SLIT3: variants seen among roughly 807,000 people sequenced by gnomAD.
The protein encoded by SLIT3 is slit homolog 3 protein.
SLIT3 carries 68 observed loss-of-function variants against 184.0 expected under a neutral mutation model. The ratio of observed to expected loss-of-function variants is 0.37; its 90% CI spans 0.30 to 0.45. The LOEUF is 0.45. Ranked by LOEUF, SLIT3 falls within the 20% of genes least tolerant of loss-of-function variation. The probability of loss-of-function intolerance (pLI) is 1.00; values close to 1 mark genes in which losing one functional copy is unlikely to be tolerated. For synonymous variants in SLIT3, 831 were observed against 828.6 expected (o/e 1.00, Z -0.05); for missense variants, 1,707 against 2,026.0 (o/e 0.84, Z 3.02).
chr5:168,686,834 G>A, intron 30 of SLIT3, 145 bp downstream of exon 30: 1 of 850,524 alleles, frequency 1.2e-6, no homozygotes, highest in South Asian at 1.6e-5. Flanking sequence ...GACTGCAAAG[G>A]TATCAGGGGA....
intron 5 of SLIT3, among the ~76,000 whole-genome samples, chr5:168,850,620 G>C (rs1758634161): frequency 1.3e-5 from 2 of 152,228 alleles, no homozygotes; most frequent in South Asian, 4.1e-4. Context: ...AAAGTCCTAG[G>C]TTAATTAAGC....
At chr5:169,285,933 G>A (rs137928009) in intron 1 of SLIT3, among the ~76,000 whole-genome samples, 12 of 152,320 alleles carry the variant, frequency 7.9e-5, no homozygotes, top group South Asian at 2.1e-4. Context: ...GCACTACGAC[G>A]TAGAGAATCA....
intron 4 of SLIT3, among the ~76,000 whole-genome samples, chr5:169,157,030 A>T (rs1176856318): frequency 6.6e-6 from 1 of 151,914 alleles, no homozygotes; most frequent in Non-Finnish European, 1.5e-5. Context: ...CACACAAAAA[A>T]ATCTGGCCCC....
chr5:169,018,667 C>G (rs137881732), intron 4 of SLIT3: 1 of 152,174 alleles, frequency 6.6e-6, no homozygotes, highest in Non-Finnish European at 1.5e-5. Flanking sequence ...GTCTTATCTC[C>G]GAGTTGGGTG....
chr5:169,117,139 G>A (rs1760698717), intron 4 of SLIT3, among the ~76,000 whole-genome samples: 1 of 152,144 alleles, frequency 6.6e-6, no homozygotes, highest in Admixed American at 6.5e-5. Context: ...ATCACAAGTA[G>A]CGTGGAATGA....
rs115735450 is a variant in SLIT3 at position 168,831,311 on chromosome 5, G to C, written c.558-7980C>G. Among the ~76,000 whole-genome samples the C allele has an allele frequency of 4.7e-3, 709 of 152,074 alleles. 3 individuals are homozygous for C. Among genetic ancestry groups the C allele is most frequent in the Non-Finnish European group, 7.7e-3 (522 of 67,984 alleles). ...AGGAGTGAGAGAGATTGGTGGGGGT[G>C]GGGGAGAGTGGAGGGAGAGGTGAGA... On this transcript the variant is annotated intron_variant, in intron 6 of 35. Coordinates refer to ENST00000519560, the MANE Select transcript of SLIT3 (RefSeq NM_003062.4).
At chr5:168,819,428 G>A (rs758848597) in intron 7 of SLIT3, among the ~76,000 whole-genome samples, 1 of 152,324 alleles carries the variant, frequency 6.6e-6, no homozygotes, top group Admixed American at 6.5e-5. Context: ...CGTGGCATGC[G>A]CAGGCTGAGG....
At chr5:169,212,569 C>T (rs548247310) in intron 3 of SLIT3, among the ~76,000 whole-genome samples, 4 of 151,968 alleles carry the variant, frequency 2.6e-5, no homozygotes, top group Admixed American at 6.6e-5. Context: ...CTGTAGGTTG[C>T]CTGTTCACTC....
chr5:168,713,752 C>G (rs991087367), intron 23 of SLIT3, among the ~76,000 whole-genome samples: 10 of 152,244 alleles, frequency 6.6e-5, no homozygotes, highest in Admixed American at 1.3e-4. Flanking sequence ...CAGTGGCTCT[C>G]ACACTGAGTG....
intron 4 of SLIT3, among the ~76,000 whole-genome samples, chr5:169,060,666 CAG>C (rs1189938373): frequency 1.3e-5 from 2 of 152,200 alleles, no homozygotes; most frequent in African/African-American, 4.8e-5. Context: ...CCAAGTGACA[CAG>C]GGTTAGCCCC....
rs567991400 is a variant in SLIT3, at chr5:169,151,280, T to C, written c.413+42199A>G. Among the ~76,000 whole-genome samples, 13 of 152,146 alleles carry C rather than the reference T, an allele frequency of 8.5e-5. No individual in the cohort carries two copies. In the South Asian group the frequency reaches 2.1e-3, roughly 24 times the overall value. On this transcript the variant is annotated intron_variant, in intron 4 of 35. Transcript: ENST00000519560. Reference sequence around the variant, plus strand: ...TTTGCAGCCCATTGCCGCCTGGGAGTGTATTTCCCTCTACCCTGAGTGGTC... The same window carrying C: ...TTTGCAGCCCATTGCCGCCTGGGAGCGTATTTCCCTCTACCCTGAGTGGTC...
At chr5:169,020,592 T>C (rs1342964127) in intron 4 of SLIT3, among the ~76,000 whole-genome samples, 2 of 152,240 alleles carry the variant, frequency 1.3e-5, no homozygotes, top group Non-Finnish European at 2.9e-5. Context: ...TTATACATTG[T>C]ATTAAATTCA....
In SLIT3 at chr5:168,844,674, G is replaced by A. The variant is rs758766534; in HGVS notation, c.486-19C>T. ...CAGTTGCCTGTGGAAAAGCAGGGGA[G>A]AGCATGAAGGCTGAGCGGGGGCAGC... is the stretch of plus-strand genomic sequence containing the variant. On this transcript the variant is annotated intron_variant, in intron 5 of 35. Coordinates refer to ENST00000519560, the MANE Select transcript of SLIT3 (RefSeq NM_003062.4). 1.2e-6 allele frequency: 2 copies of A among 1,613,592 alleles called. No homozygotes were observed. The highest frequency in any genetic ancestry group is 1.7e-6 in the Non-Finnish European group (2 of 1,179,590).
At chr5:168,688,408 G>A (rs1416568627) in intron 29 of SLIT3, among the ~76,000 whole-genome samples, 1 of 152,126 alleles carries the variant, frequency 6.6e-6, no homozygotes, top group Non-Finnish European at 1.5e-5. Flanking sequence ...CAAAGGGATG[G>A]TTCTCCCTCA....
At chr5:168,838,625 G>A (rs570922592) in intron 6 of SLIT3, among the ~76,000 whole-genome samples, 9 of 152,220 alleles carry the variant, frequency 5.9e-5, no homozygotes, top group South Asian at 2.1e-4. Flanking sequence ...GGGCAACATC[G>A]TGCTTGAATA....
chr5:169,129,828 T>A (rs1362193002), intron 4 of SLIT3, among the ~76,000 whole-genome samples: 2 of 126,640 alleles, frequency 1.6e-5, no homozygotes, highest in Non-Finnish European at 3.2e-5. Context: ...GTGGTTTTTT[T>A]TGTTTGTTTG....
chr5:168,888,975 C>T (rs910167052), intron 4 of SLIT3, among the ~76,000 whole-genome samples: 2 of 152,160 alleles, frequency 1.3e-5, no homozygotes, highest in African/African-American at 4.8e-5. Flanking sequence ...CTAAAATTTC[C>T]TGTACTCTCA....
chr5:168,701,987 A>G (rs2113286972), intron 26 of SLIT3, among the ~76,000 whole-genome samples: 1 of 152,286 alleles, frequency 6.6e-6, no homozygotes, highest in Admixed American at 6.5e-5. Flanking sequence ...CAAACACCAG[A>G]GCCTCAGGCC....
chr5:169,067,303 G>T (rs563878457), intron 4 of SLIT3, among the ~76,000 whole-genome samples: 1 of 152,226 alleles, frequency 6.6e-6, no homozygotes, highest in Non-Finnish European at 1.5e-5. Context: ...CTACTCAGGA[G>T]GCTGAGGCAG....
Sources: allele counts gnomAD v4.1 joint callset (sites outside exome capture counted in the v4.1 genomes callset), GRCh38; gene constraint gnomAD v4.1.1; transcripts MANE v1.5; gene names NCBI Gene and HGNC (gene_info 2026-07-23, HGNC 2026-07-21).